Variants in HPCAL1 observed in about 807,000 individuals in gnomAD.
HPCAL1 encodes hippocalcin-like protein 1.
A neutral mutation model predicts 17.1 loss-of-function variants in HPCAL1; 8 were observed. The observed-to-expected ratio is 0.47, with a 90% CI of 0.27 to 0.84. The LOEUF (loss-of-function observed/expected upper bound fraction) is 0.84, where lower values mean the gene tolerates loss of function less well. HPCAL1 is among the 40% of genes least tolerant of loss of function. The probability of loss-of-function intolerance (pLI) is 0.13; values close to 1 mark genes in which losing one functional copy is unlikely to be tolerated. For synonymous variants in HPCAL1, 112 were observed against 111.4 expected (o/e 1.01, Z -0.03); for missense variants, 165 against 271.1 (o/e 0.61, Z 2.75).
chr2:10,358,621 C>T (rs546332807), intron 1 of HPCAL1, among the ~76,000 whole-genome samples: 2 of 152,266 alleles, frequency 1.3e-5, no homozygotes, highest in South Asian at 2.1e-4. Context: ...ATCAAGAGGA[C>T]GTCGGGGGAA....
At position 10,342,377 on chromosome 2, in the gene HPCAL1, C is replaced by G. The variant is rs1665144286; in HGVS notation, c.-111+39200C>G. ...TCCCTGGAATGCCACAGCCCTGCTTCTGTGCGAGGCCAGTCAGTCTGGGTC... is the reference window on the plus strand; with the variant it reads ...TCCCTGGAATGCCACAGCCCTGCTTGTGTGCGAGGCCAGTCAGTCTGGGTC... On this transcript the variant is annotated intron_variant, in intron 1 of 4. Transcript: ENST00000307845. This position sits in a 1 kb window ranked among gnomAD's most constrained non-coding sequence, Gnocchi z 4.1. Among the ~76,000 whole-genome samples, 1 of 152,180 alleles carries G rather than the reference C, an allele frequency of 6.6e-6. No homozygotes were observed. The highest frequency in any genetic ancestry group is 2.1e-4 in the South Asian group (1 of 4,830).
At chr2:10,402,996 A>G (rs1386704257) in intron 2 of HPCAL1, among the ~76,000 whole-genome samples, 1 of 152,194 alleles carries the variant, frequency 6.6e-6, no homozygotes, top group Non-Finnish European at 1.5e-5. Context: ...AACCCCATTC[A>G]TTTGGGACAC....
At chr2:10,411,211 C>T (rs1347867176) in intron 2 of HPCAL1, among the ~76,000 whole-genome samples, 1 of 152,278 alleles carries the variant, frequency 6.6e-6, no homozygotes, top group Middle Eastern at 3.4e-3. Flanking sequence ...CCAGGAGCAC[C>T]CTGGGTGGCC....
intron 1 of HPCAL1, among the ~76,000 whole-genome samples, chr2:10,329,885 A>G (rs575297333): frequency 2.0e-5 from 3 of 152,188 alleles, no homozygotes; most frequent in Non-Finnish European, 2.9e-5. Flanking sequence ...TTTTTTCTAA[A>G]GAAGAGACAG....
intron 1 of HPCAL1, among the ~76,000 whole-genome samples, chr2:10,315,276 G>A (rs911767659): frequency 6.9e-6 from 1 of 145,376 alleles, no homozygotes; most frequent in Non-Finnish European, 1.5e-5. Flanking sequence ...CTGGGCAACA[G>A]AGCGAGACTC....
rs1222607705 is a variant in HPCAL1 at position 10,384,955 on chromosome 2, A to C, written c.-110-11880A>C. 3.3e-5 allele frequency among the ~76,000 whole-genome samples: 5 copies of C among 152,162 alleles called. No homozygotes were observed. Among genetic ancestry groups the C allele is most frequent in the Non-Finnish European group, 7.4e-5 (5 of 68,026 alleles). ...GCCAACATGGTGAAACCCCGTCTCT[A>C]CTAAAAATACAAAAATTAGCTGGGC... On this transcript the variant is annotated intron_variant, in intron 1 of 4. Transcript: ENST00000307845. The surrounding 1 kb of genome is among the most constrained non-coding windows in gnomAD (Gnocchi z 4.4).
intron 1 of HPCAL1, among the ~76,000 whole-genome samples, chr2:10,335,812 C>T (rs1231160034): frequency 6.6e-6 from 1 of 152,202 alleles, no homozygotes; most frequent in Non-Finnish European, 1.5e-5. Flanking sequence ...TCTGAACACT[C>T]TGATGGGTGT....
chr2:10,404,769 C>T (rs1669869945), intron 2 of HPCAL1, among the ~76,000 whole-genome samples: 1 of 152,210 alleles, frequency 6.6e-6, no homozygotes, highest in Admixed American at 6.5e-5. Context: ...TGGAATTTCA[C>T]TCACCCTGCC....
chr2:10,396,244 C>A (rs1474793905), intron 1 of HPCAL1, among the ~76,000 whole-genome samples: 1 of 152,224 alleles, frequency 6.6e-6, no homozygotes, highest in East Asian at 1.9e-4. Flanking sequence ...GCCCAGGAGG[C>A]ATGCTGGGGG....
chr2:10,355,036 A>G (rs1454661444), intron 1 of HPCAL1, among the ~76,000 whole-genome samples: 1 of 152,244 alleles, frequency 6.6e-6, no homozygotes, highest in African/African-American at 2.4e-5. Context: ...GACAGGAAGC[A>G]AAGTGGGCAT....
chr2:10,322,083 C>A (rs144172703), intron 1 of HPCAL1, among the ~76,000 whole-genome samples: 1 of 152,048 alleles, frequency 6.6e-6, no homozygotes, highest in Non-Finnish European at 1.5e-5. Flanking sequence ...AGTGCAGTGG[C>A]GCCATCATAG....
chr2:10,332,600 C>T (rs1019105946), intron 1 of HPCAL1, among the ~76,000 whole-genome samples: 1 of 152,196 alleles, frequency 6.6e-6, no homozygotes, highest in African/African-American at 2.4e-5. Flanking sequence ...CTTGTTAAAA[C>T]AGTGAGGACA....
chr2:10,364,586 CTTT>C (rs747134630), intron 1 of HPCAL1, among the ~76,000 whole-genome samples: 7 of 143,716 alleles, frequency 4.9e-5, no homozygotes, highest in Admixed American at 7.0e-5. Flanking sequence ...CTCCCGCCTC[CTTT>C]TTTTTTTTTT....
At chr2:10,358,676 G>A (rs1476776494) in intron 1 of HPCAL1, among the ~76,000 whole-genome samples, 1 of 152,182 alleles carries the variant, frequency 6.6e-6, no homozygotes, top group East Asian at 1.9e-4. Flanking sequence ...CACGCTGGCA[G>A]GCCACTGACC....
chr2:10,399,623 G>A (rs1669462939), intron 2 of HPCAL1, among the ~76,000 whole-genome samples: 1 of 138,166 alleles, frequency 7.2e-6, no homozygotes, highest in Non-Finnish European at 1.6e-5. Context: ...GAGGGACTCT[G>A]GGATCAGAAG....
At position 10,344,851 on chromosome 2, in the gene HPCAL1, C is replaced by G. The variant is rs1572684588; in HGVS notation, c.-111+41674C>G. ...TGTCTCTCTCTTTCTGTGTGTGTCT[C>G]TCTCTGTGCCTTTCAGTCTCTTTCT... On this transcript the variant is annotated intron_variant, in intron 1 of 4. Coordinates refer to ENST00000307845, the MANE Select transcript of HPCAL1 (RefSeq NM_002149.4). This position sits in a 1 kb window ranked among gnomAD's most constrained non-coding sequence, Gnocchi z 4.9. Among the ~76,000 whole-genome samples the G allele has an allele frequency of 1.3e-5, 2 of 151,984 alleles. No homozygotes were observed. Among genetic ancestry groups the G allele is most frequent in the African/African-American group, 2.4e-5 (1 of 41,426 alleles).
At chr2:10,383,441 C>T (rs927938050) in intron 1 of HPCAL1, among the ~76,000 whole-genome samples, 24 of 152,094 alleles carry the variant, frequency 1.6e-4, no homozygotes, top group African/African-American at 5.8e-4. Flanking sequence ...CGGCTCACTG[C>T]AACCTCCACC....
chr2:10,319,262 T>A (rs1482516199), intron 1 of HPCAL1, among the ~76,000 whole-genome samples: 1 of 152,168 alleles, frequency 6.6e-6, no homozygotes, highest in East Asian at 1.9e-4. Context: ...GTATTTTTCA[T>A]TTTCCCTCTG....
At chr2:10,386,457 A>C (rs1484289411) in intron 1 of HPCAL1, among the ~76,000 whole-genome samples, 1 of 152,088 alleles carries the variant, frequency 6.6e-6, no homozygotes, top group African/African-American at 2.4e-5. Flanking sequence ...CTGGCTGCAG[A>C]TGCTGGGCAG....
Sources: allele counts gnomAD v4.1 joint callset (sites outside exome capture counted in the v4.1 genomes callset), GRCh38; gene constraint gnomAD v4.1.1; non-coding constraint Gnocchi (gnomAD v3.1); transcripts MANE v1.5; gene names NCBI Gene and HGNC (gene_info 2026-07-23, HGNC 2026-07-21).